PLCE1: variants seen among roughly 807,000 people sequenced by gnomAD.
PLCE1 encodes 1-phosphatidylinositol 4,5-bisphosphate phosphodiesterase epsilon-1.
PLCE1 carries 119 observed loss-of-function variants against 242.8 expected under a neutral mutation model. The observed-to-expected ratio is 0.49, with a 90% CI of 0.42 to 0.57. PLCE1 has a LOEUF of 0.57. Among genes scored for constraint, PLCE1 ranks in the 20% least tolerant of loss-of-function variants. The pLI, the probability that PLCE1 is intolerant of heterozygous loss-of-function variation, is 0.00. For missense variants in PLCE1, 2,441 were observed against 2,788.8 expected (o/e 0.88, Z 2.81); for synonymous variants, 945 against 1,017.4 (o/e 0.93, Z 1.35).
intron 3 of PLCE1, among the ~76,000 whole-genome samples, chr10:94,157,281 A>G (rs1255014773): frequency 6.6e-6 from 1 of 152,118 alleles, no homozygotes; most frequent in Non-Finnish European, 1.5e-5. Context: ...TCCTCTTGCA[A>G]ATGTTGAATT....
At chr10:94,163,196 G>C (rs572168448) in intron 3 of PLCE1, among the ~76,000 whole-genome samples, 1 of 152,156 alleles carries the variant, frequency 6.6e-6, no homozygotes, top group Non-Finnish European at 1.5e-5. Context: ...GCTGAGTTCA[G>C]TTCCTGGATA....
At chr10:94,299,210 A>T (rs374377055) in intron 24 of PLCE1, among the ~76,000 whole-genome samples, 1 of 152,240 alleles carries the variant, frequency 6.6e-6, no homozygotes, top group African/African-American at 2.4e-5. Flanking sequence ...TGTTTCTCCA[A>T]TGTCAATGAG....
intron 1 of PLCE1, among the ~76,000 whole-genome samples, chr10:94,020,973 G>A (rs191067357): frequency 6.6e-6 from 1 of 152,156 alleles, no homozygotes; most frequent in African/African-American, 2.4e-5. Flanking sequence ...GGGATTACAG[G>A]TTTGCACCAC....
chr10:94,009,287 G>A (rs2061118209), intron 1 of PLCE1, among the ~76,000 whole-genome samples: 1 of 152,054 alleles, frequency 6.6e-6, no homozygotes, highest in African/African-American at 2.4e-5. Flanking sequence ...GATCTCATGT[G>A]AACTAATGGA....
chr10:94,054,211 C>T (rs2043840550), intron 2 of PLCE1, among the ~76,000 whole-genome samples: 1 of 152,170 alleles, frequency 6.6e-6, no homozygotes, highest in Non-Finnish European at 1.5e-5. Flanking sequence ...AGAAAAGGTA[C>T]ATAATGCGGT....
chr10:94,064,757 A>G (rs1589946819), intron 2 of PLCE1, among the ~76,000 whole-genome samples: 1 of 152,146 alleles, frequency 6.6e-6, no homozygotes, highest in Non-Finnish European at 1.5e-5. Flanking sequence ...GGTTGCATGA[A>G]TTGTTCATTA....
intron 3 of PLCE1, among the ~76,000 whole-genome samples, chr10:94,142,899 A>T (rs2047013236): frequency 6.6e-6 from 1 of 152,230 alleles, no homozygotes; most frequent in African/African-American, 2.4e-5. Flanking sequence ...TGATTAATTC[A>T]ATCATTTGAC....
At chr10:94,103,053 C>A (rs757137346) in intron 2 of PLCE1, among the ~76,000 whole-genome samples, 1 of 152,084 alleles carries the variant, frequency 6.6e-6, no homozygotes, top group Non-Finnish European at 1.5e-5. Flanking sequence ...AATAAACTGC[C>A]CATCACAATC....
chr10:94,165,038 T>A (rs1456512962), intron 3 of PLCE1, among the ~76,000 whole-genome samples: 1 of 152,226 alleles, frequency 6.6e-6, no homozygotes, highest in Non-Finnish European at 1.5e-5. Context: ...GGTGTCAGTC[T>A]GCCCCTACTA....
intron 1 of PLCE1, among the ~76,000 whole-genome samples, chr10:94,026,938 T>C (rs2061461636): frequency 6.6e-6 from 1 of 152,202 alleles, no homozygotes; most frequent in African/African-American, 2.4e-5. Flanking sequence ...CCTTGAATTT[T>C]TGGATTTCAA....
At chr10:94,199,381 T>A (rs1788634939) in intron 4 of PLCE1, among the ~76,000 whole-genome samples, 1 of 152,240 alleles carries the variant, frequency 6.6e-6, no homozygotes, top group South Asian at 2.1e-4. Flanking sequence ...TTTCTTCATT[T>A]GTAAATGGGA....
At chr10:94,099,251 A>G (rs1382686790) in intron 2 of PLCE1, among the ~76,000 whole-genome samples, 2 of 152,246 alleles carry the variant, frequency 1.3e-5, no homozygotes, top group Non-Finnish European at 2.9e-5. Context: ...TATGAAAAGC[A>G]GGCATCATGG....
At chr10:94,048,966 GTTGCCTAGGCTGGTC>G (rs1400996155) in intron 2 of PLCE1, among the ~76,000 whole-genome samples, 1 of 151,694 alleles carries the variant, frequency 6.6e-6, no homozygotes, top group Non-Finnish European at 1.5e-5. Context: ...ATCTCACTGT[GTTGCCTAGGCTGGTC>G]TTGAACTCCT....
chr10:94,073,627 T>G (rs950432218), intron 2 of PLCE1, among the ~76,000 whole-genome samples: 1 of 152,166 alleles, frequency 6.6e-6, no homozygotes, highest in Admixed American at 6.5e-5. Context: ...GGGTTTTAAG[T>G]CAGGAATGGC....
intron 2 of PLCE1, among the ~76,000 whole-genome samples, chr10:94,062,452 G>A (rs1021519212): frequency 6.6e-6 from 1 of 151,928 alleles, no homozygotes; most frequent in Non-Finnish European, 1.5e-5. Flanking sequence ...CAAATGATTA[G>A]ACTTTTTGTG....
intron 3 of PLCE1, among the ~76,000 whole-genome samples, chr10:94,170,920 A>G (rs1396156654): frequency 6.6e-6 from 1 of 152,184 alleles, no homozygotes; most frequent in Non-Finnish European, 1.5e-5. Context: ...TATGTGCTAG[A>G]TTAATGCTGC....
chr10:94,326,341 A>G (rs1324755297), intron 32 of PLCE1, among the ~76,000 whole-genome samples: 1 of 152,218 alleles, frequency 6.6e-6, no homozygotes. Context: ...AGCCCAAAAG[A>G]AGGCCCAATA....
intron 23 of PLCE1, among the ~76,000 whole-genome samples, chr10:94,297,440 C>G (rs1247272748): frequency 6.6e-6 from 1 of 151,602 alleles, no homozygotes; most frequent in African/African-American, 2.4e-5. Context: ...TCACAGATCA[C>G]CATAACAGAT....
intron 4 of PLCE1, among the ~76,000 whole-genome samples, chr10:94,178,399 C>T (rs1208211534): frequency 6.6e-6 from 1 of 152,102 alleles, no homozygotes; most frequent in East Asian, 1.9e-4. Flanking sequence ...GTGGCTCTGC[C>T]CTGGGTGTCT....
Sources: allele counts gnomAD v4.1 joint callset (sites outside exome capture counted in the v4.1 genomes callset), GRCh38; gene constraint gnomAD v4.1.1; transcripts MANE v1.5; gene names NCBI Gene and HGNC (gene_info 2026-07-23, HGNC 2026-07-21).